The following PCNX2 variants were observed in gnomAD, a reference collection of about 807,000 sequenced individuals.
The protein encoded by PCNX2 is pecanex-like protein 2.
A neutral mutation model predicts 223.8 loss-of-function variants in PCNX2; 168 were observed. That is an observed-to-expected ratio of 0.75 (90% CI 0.66 to 0.85). PCNX2 has a LOEUF of 0.85. Among genes scored for constraint, PCNX2 ranks in the 40% least tolerant of loss-of-function variants. The probability of loss-of-function intolerance (pLI) is 0.00; values close to 1 mark genes in which losing one functional copy is unlikely to be tolerated. For missense variants in PCNX2, 2,507 were observed against 2,675.5 expected, an observed-to-expected ratio of 0.94 and a Z score of 1.39; for synonymous variants, 1,006 against 1,052.6, an observed-to-expected ratio of 0.96 and a Z score of 0.86.
At chr1:233,110,546 GA>G (rs755545336) in intron 21 of PCNX2, among the ~76,000 whole-genome samples, 54 of 151,780 alleles carry the variant, frequency 3.6e-4, no homozygotes, top group South Asian at 8.3e-4. Context: ...TCAGGCAGAA[GA>G]AAACTTCAGG....
At chr1:233,298,344 A>C (rs1192768039), upstream of PCNX2, among the ~76,000 whole-genome samples, 1 of 152,222 alleles carries the variant, frequency 6.6e-6, no homozygotes, top group Non-Finnish European at 1.5e-5. Flanking sequence ...GGTTGTTATT[A>C]GGACACAGCC....
rs2102775783 is a variant in PCNX2, at chr1:233,139,660, C to T, written c.3659+54G>A. 4 of 1,521,644 alleles carry T rather than the reference C, an allele frequency of 2.6e-6. No homozygotes were observed. Among genetic ancestry groups the T allele is most frequent in the Middle Eastern group, 2.2e-4 (1 of 4,534 alleles). The allele number at this position is 1,521,644 out of a possible 1,614,324, so 94.3% of individuals were successfully genotyped here. A position where few individuals can be genotyped will look rare whatever the true frequency, so the allele number is the denominator to read the frequency against. On this transcript the variant is annotated intron_variant, in intron 20 of 33. Transcript: ENST00000258229. The surrounding 1 kb of genome is among the most constrained non-coding windows in gnomAD (Gnocchi z 4.4). ...GCAGATTGTTTACAGAAAATTCACT[C>T]GATTTTGAAAATGTGACCCAAATCA...
At chr1:232,996,292 C>T (rs1314488279) in intron 32 of PCNX2, among the ~76,000 whole-genome samples, 1 of 152,222 alleles carries the variant, frequency 6.6e-6, no homozygotes, top group Non-Finnish European at 1.5e-5. Flanking sequence ...TTCTCCAGTC[C>T]ACACAAGTCA....
intron 28 of PCNX2, among the ~76,000 whole-genome samples, chr1:233,009,616 G>A (rs531797128): frequency 2.2e-4 from 33 of 152,278 alleles, no homozygotes; most frequent in South Asian, 4.1e-4. Context: ...TCATAAGCCC[G>A]GCCTGATGAC....
intron 25 of PCNX2, among the ~76,000 whole-genome samples, chr1:233,028,459 C>A (rs1200535815): frequency 2.0e-5 from 3 of 152,128 alleles, no homozygotes; most frequent in Non-Finnish European, 4.4e-5. Flanking sequence ...TGAATTAACT[C>A]TTTGATTATT....
Position 233,000,405 on chromosome 1 carries a change from T to A in PCNX2, c.5228A>T (p.Lys1743Met). ...GTGCCGCAGGGTGAGCAGCTCTTCCTTGTTGGACAGCACTGCGCCCCGCCA... is the reference window on the plus strand; with the variant it reads ...GTGCCGCAGGGTGAGCAGCTCTTCCATGTTGGACAGCACTGCGCCCCGCCA... ...PAWRGAVLSN[K>M]EELLTLRHVV... Residue 1743 changes from lysine (K) to methionine (M), a missense_variant, in exon 30 of 34, where the codon AAG becomes ATG. This residue lies in a region of PCNX2 where 1,372 missense variants were observed against 1,509.4 expected (regional missense o/e 0.91). Coordinates refer to ENST00000258229, the MANE Select transcript of PCNX2 (RefSeq NM_014801.4). This position sits in a 1 kb window ranked among gnomAD's most constrained non-coding sequence, Gnocchi z 4.6. The A allele has an allele frequency of 5.6e-6, 9 of 1,611,418 alleles. No homozygotes were observed. Among genetic ancestry groups the A allele is most frequent in the Non-Finnish European group, 7.6e-6 (9 of 1,178,206 alleles).
intron 10 of PCNX2, among the ~76,000 whole-genome samples, chr1:233,225,351 T>C (rs535652858): frequency 6.6e-6 from 1 of 152,068 alleles, no homozygotes; most frequent in Non-Finnish European, 1.5e-5. Context: ...TCCCTGTGTA[T>C]AGATTATACC....
At chr1:233,295,992 T>G (rs1215867533), upstream of PCNX2, among the ~76,000 whole-genome samples, 2 of 145,026 alleles carry the variant, frequency 1.4e-5, no homozygotes, top group Non-Finnish European at 1.5e-5. This position sits in a 1 kb window ranked among gnomAD's most constrained non-coding sequence, Gnocchi z 4.1. Flanking sequence ...CTTTTTTTCT[T>G]TCTTTCTTTC....
chr1:233,091,583 C>T lies in PCNX2; in HGVS notation c.3947-1393G>A, dbSNP rs544353410. Among the ~76,000 whole-genome samples, 10 of 151,970 alleles carry T rather than the reference C, an allele frequency of 6.6e-5. No individual in the cohort carries two copies. In the South Asian group the frequency reaches 1.0e-3, roughly 16 times the overall value. On this transcript the variant is annotated intron_variant, in intron 22 of 33. Coordinates refer to ENST00000258229, the MANE Select transcript of PCNX2 (RefSeq NM_014801.4). The stretch of plus-strand genomic sequence containing the variant: ...TAGATTTAAAATCAGATTAAAAAAA[C>T]GTAGCCAGGCATTGTGGTGCACACC...
intron 21 of PCNX2, among the ~76,000 whole-genome samples, chr1:233,105,520 G>A (rs1346427619): frequency 6.6e-6 from 1 of 152,150 alleles, no homozygotes; most frequent in Non-Finnish European, 1.5e-5. Context: ...AAACAGAAGA[G>A]TGAAAAGAAA....
intron 1 of PCNX2, chr1:233,292,115 TTAA>T (rs1572215286): frequency 2.4e-6 from 2 of 838,234 alleles, no homozygotes; most frequent in Admixed American, 1.2e-4. Context: ...GCCTCAATAA[TTAA>T]TAATAAAAAT....
At chr1:233,043,274 G>A (rs1671706643) in intron 25 of PCNX2, among the ~76,000 whole-genome samples, 1 of 152,046 alleles carries the variant, frequency 6.6e-6, no homozygotes, top group Non-Finnish European at 1.5e-5. Context: ...CCATCTTTCT[G>A]TATCTACCTA....
chr1:233,042,330 CCCT>C (rs1265357282), intron 25 of PCNX2, among the ~76,000 whole-genome samples: 1 of 152,202 alleles, frequency 6.6e-6, no homozygotes, highest in African/African-American at 2.4e-5. Flanking sequence ...CTGTAGCAAG[CCCT>C]CCTCTTTCCT....
intron 21 of PCNX2, among the ~76,000 whole-genome samples, chr1:233,098,866 C>A (rs1464679160): frequency 6.6e-6 from 1 of 152,234 alleles, no homozygotes; most frequent in Non-Finnish European, 1.5e-5. Flanking sequence ...CTCAAAGTGT[C>A]ATCTGAGGAT....
intron 5 of PCNX2, among the ~76,000 whole-genome samples, chr1:233,257,265 A>ACTTG (rs59658114): frequency 0.5 from 76,302 of 151,654 alleles, 20,701 homozygotes; most frequent in East Asian, 0.64. Context: ...CTTACTAGAT[A>ACTTG]CTTGGGAAAG....
chr1:233,133,895 AT>A (rs1676653394), intron 21 of PCNX2, among the ~76,000 whole-genome samples: 1 of 151,964 alleles, frequency 6.6e-6, no homozygotes, highest in Non-Finnish European at 1.5e-5. Flanking sequence ...AAACAAAGAA[AT>A]TCACGTGCAA....
intron 1 of PCNX2, chr1:233,290,835 T>C (rs988671750): frequency 2.0e-6 from 2 of 985,290 alleles, no homozygotes; most frequent in African/African-American, 3.5e-5. Context: ...GCTCCAGCCA[T>C]AGAACGAAAG....
At position 232,999,306 on chromosome 1, in the gene PCNX2, G is replaced by A. The variant is rs749549188; in HGVS notation, c.5402C>T (p.Pro1801Leu). Residue 1801 changes from proline (P) to leucine (L), a missense_variant, in exon 31 of 34, where the codon CCG becomes CTG. Coordinates refer to ENST00000258229, the MANE Select transcript of PCNX2 (RefSeq NM_014801.4). ...QELIFLRNRN[P>L]ERGSIQNNKQ... is the part of the protein sequence containing the mutation. ...ATTGTTCTGGATACTGCCGCGCTCC[G>A]GATTGCGGTTGCGAAGAAATATAAG... 9 of 1,609,202 alleles carry A rather than the reference G, an allele frequency of 5.6e-6. No individual in the cohort carries two copies. The highest frequency in any genetic ancestry group is 5.5e-5 in the South Asian group (5 of 90,118).
chr1:233,056,420 A>G (rs943325947), intron 24 of PCNX2, among the ~76,000 whole-genome samples: 3 of 152,210 alleles, frequency 2.0e-5, no homozygotes, highest in Non-Finnish European at 4.4e-5. Flanking sequence ...TAACAGCACA[A>G]TGTGCTTGGG....
Sources: allele counts gnomAD v4.1 joint callset (sites outside exome capture counted in the v4.1 genomes callset), GRCh38; gene constraint gnomAD v4.1.1; regional missense constraint gnomAD v4.1.1; non-coding constraint Gnocchi (gnomAD v3.1); transcripts MANE v1.5; gene names NCBI Gene and HGNC (gene_info 2026-07-23, HGNC 2026-07-21).